The following LPAR3 variants were observed in gnomAD, a reference collection of about 807,000 sequenced individuals.
LPAR3 encodes LPA receptor 3.
A neutral mutation model predicts 17.8 loss-of-function variants in LPAR3; 7 were observed. The observed-to-expected ratio is 0.39, with a 90% confidence interval of 0.22 to 0.74. The LOEUF (loss-of-function observed/expected upper bound fraction) is 0.74. LPAR3 is among the 30% of genes least tolerant of loss of function. The pLI is 0.40. For synonymous variants in LPAR3, 179 were observed against 179.9 expected (o/e 0.99, Z 0.04); for missense variants, 391 against 453.4 (o/e 0.86, Z 1.25).
chr1:84,881,847 TA>T (rs1226246097), intron 1 of LPAR3, among the ~76,000 whole-genome samples: 2 of 152,260 alleles, frequency 1.3e-5, no homozygotes, highest in East Asian at 3.9e-4. Context: ...GCCGAGTATT[TA>T]AAGAGCATGG....
At chr1:84,835,863 A>T (rs1659392936) in intron 2 of LPAR3, among the ~76,000 whole-genome samples, 1 of 152,100 alleles carries the variant, frequency 6.6e-6, no homozygotes, top group East Asian at 1.9e-4. Flanking sequence ...CAATTATCAA[A>T]GGCCTTCTGG....
intron 1 of LPAR3, among the ~76,000 whole-genome samples, chr1:84,876,042 C>A (rs143751285): frequency 1.3e-5 from 2 of 152,178 alleles, no homozygotes; most frequent in African/African-American, 4.8e-5. Flanking sequence ...TAGCGGGAAA[C>A]AGTTATTCTA....
intron 2 of LPAR3, among the ~76,000 whole-genome samples, chr1:84,823,924 T>C (rs1454497224): frequency 6.6e-6 from 1 of 152,216 alleles, no homozygotes; most frequent in Non-Finnish European, 1.5e-5. Context: ...TTCCCAAGGA[T>C]TGGACATTCT....
intron 1 of LPAR3, among the ~76,000 whole-genome samples, chr1:84,870,092 T>A (rs1217097773): frequency 6.6e-6 from 1 of 152,232 alleles, no homozygotes; most frequent in African/African-American, 2.4e-5. Flanking sequence ...AATGACTGAT[T>A]TATTATTATC....
At chr1:84,840,029 C>T (rs966951590) in intron 2 of LPAR3, among the ~76,000 whole-genome samples, 1 of 151,772 alleles carries the variant, frequency 6.6e-6, no homozygotes, top group Non-Finnish European at 1.5e-5. Context: ...CTCAGGCACT[C>T]CTCCCACCTC....
At chr1:84,886,904 T>A (rs150658736) in intron 1 of LPAR3, among the ~76,000 whole-genome samples, 1 of 152,244 alleles carries the variant, frequency 6.6e-6, no homozygotes, top group East Asian at 1.9e-4. Flanking sequence ...TTGGCCAAAT[T>A]GAGCACAATT....
intron 1 of LPAR3, 27 bp from the exon 2 acceptor site, chr1:84,866,165 A>C: frequency 1.3e-6 from 2 of 1,497,618 alleles, no homozygotes; most frequent in African/African-American, 1.4e-5. Flanking sequence ...AGAAGAAACA[A>C]ATATCATTTG....
intron 1 of LPAR3, among the ~76,000 whole-genome samples, chr1:84,875,184 G>A (rs1660232991): frequency 6.6e-6 from 1 of 152,204 alleles, no homozygotes; most frequent in Non-Finnish European, 1.5e-5. Flanking sequence ...ACAGACGTGA[G>A]CCATCATGCT....
intron 2 of LPAR3, among the ~76,000 whole-genome samples, chr1:84,817,238 T>C (rs1224379437): frequency 1.3e-5 from 1 of 76,988 alleles, no homozygotes; most frequent in Non-Finnish European, 3.2e-5. Context: ...GGCAACTAAG[T>C]GATAAATATT....
chr1:84,860,579 T>C (rs1659921330), intron 2 of LPAR3, among the ~76,000 whole-genome samples: 1 of 152,114 alleles, frequency 6.6e-6, no homozygotes, highest in Non-Finnish European at 1.5e-5. Flanking sequence ...CAACAGCCCC[T>C]GTCCATCCTT....
chr1:84,847,749 G>A (rs1659619373), intron 2 of LPAR3, among the ~76,000 whole-genome samples: 1 of 152,202 alleles, frequency 6.6e-6, no homozygotes, highest in Admixed American at 6.5e-5. Flanking sequence ...CATCACTCCA[G>A]AGGATGCATC....
intron 1 of LPAR3, among the ~76,000 whole-genome samples, chr1:84,881,793 A>G (rs143554557): frequency 3.9e-5 from 6 of 152,320 alleles, no homozygotes; most frequent in Non-Finnish European, 8.8e-5. Flanking sequence ...GTACAGCAGA[A>G]GAACACAGGA....
chr1:84,861,500 A>C (rs1659939937), intron 2 of LPAR3, among the ~76,000 whole-genome samples: 1 of 152,208 alleles, frequency 6.6e-6, no homozygotes, highest in African/African-American at 2.4e-5. Flanking sequence ...GAACTTTGTA[A>C]CTTGTAAAGA....
At chr1:84,880,916 C>A (rs1184743031) in intron 1 of LPAR3, among the ~76,000 whole-genome samples, 1 of 152,146 alleles carries the variant, frequency 6.6e-6, no homozygotes, top group Non-Finnish European at 1.5e-5. Flanking sequence ...CATGGACCAA[C>A]CATGGAACTG....
At position 84,890,551 on chromosome 1, in the gene LPAR3, G is replaced by A. The variant is rs375878530; in HGVS notation, c.-19+2465C>T. Among the ~76,000 whole-genome samples, 45 of 152,286 alleles carry A rather than the reference G, an allele frequency of 3.0e-4. No homozygotes were observed. The East Asian group carries it at 6.0e-3, about 20-fold the overall frequency. ...CTATGTGCCCAAGGTCACAAAGCTT[G>A]GACTGGAACAAAAGCTGGTCTGACT... On this transcript the variant is annotated intron_variant, in intron 1 of 2. Transcript: ENST00000370611.
intron 1 of LPAR3, among the ~76,000 whole-genome samples, chr1:84,880,276 T>G (rs1018813279): frequency 1.1e-4 from 17 of 152,216 alleles, no homozygotes; most frequent in African/African-American, 4.1e-4. Context: ...GAGCTTGTTT[T>G]GGCTGCTCCT....
intron 2 of LPAR3, among the ~76,000 whole-genome samples, chr1:84,821,634 G>A (rs1659057716): frequency 6.6e-6 from 1 of 152,232 alleles, no homozygotes; most frequent in East Asian, 1.9e-4. Context: ...ATCTCCCTAG[G>A]GAATGCTTTT....
intron 2 of LPAR3, among the ~76,000 whole-genome samples, chr1:84,861,277 G>A (rs2102763398): frequency 6.6e-6 from 1 of 152,276 alleles, no homozygotes; most frequent in African/African-American, 2.4e-5. Flanking sequence ...ATTCTTACAT[G>A]TAGTATGTAG....
intron 2 of LPAR3, among the ~76,000 whole-genome samples, chr1:84,847,300 TG>T (rs1305855936): frequency 1.3e-5 from 2 of 152,230 alleles, no homozygotes; most frequent in Non-Finnish European, 2.9e-5. Flanking sequence ...ATACCTCAGT[TG>T]TTTCTTCAAA....
Sources: allele counts gnomAD v4.1 joint callset (sites outside exome capture counted in the v4.1 genomes callset), GRCh38; gene constraint gnomAD v4.1.1; transcripts MANE v1.5; gene names NCBI Gene and HGNC (gene_info 2026-07-23, HGNC 2026-07-21).